The following KCNQ1 variants were observed in gnomAD, a reference collection of about 807,000 sequenced individuals.
The protein encoded by KCNQ1 is potassium voltage-gated channel subfamily Q member 1.
A neutral mutation model predicts 72.4 loss-of-function variants in KCNQ1; 49 were observed. The observed-to-expected ratio is 0.68, with a 90% CI of 0.54 to 0.86. The LOEUF (loss-of-function observed/expected upper bound fraction) is 0.86, where lower values mean the gene tolerates loss of function less well. KCNQ1 is among the 40% of genes least tolerant of loss of function. The probability of loss-of-function intolerance (pLI) is 0.00; values close to 1 mark genes in which losing one functional copy is unlikely to be tolerated. For missense variants in KCNQ1, 790 were observed against 945.1 expected (o/e 0.84, Z 2.15); for synonymous variants, 450 against 412.6 (o/e 1.09, Z -1.10).
chr11:2,767,495 ATC>A lies in KCNQ1; in HGVS notation c.1515-1343_1515-1342del, dbSNP rs1311744369. On this transcript the variant is annotated intron_variant, in intron 11 of 15. Coordinates refer to ENST00000155840, the MANE Select transcript of KCNQ1 (RefSeq NM_000218.3). This position sits in a 1 kb window ranked among gnomAD's most constrained non-coding sequence, Gnocchi z 4.6. The stretch of plus-strand genomic sequence containing the variant: ...AGTACCACACCTTTAGATCTGTATG[ATC>A]TCTCTTTTCCCTTGCCTTTTAGTCT... 6.6e-6 allele frequency among the ~76,000 whole-genome samples: 1 copy of A among 152,178 alleles called. No individual in the cohort carries two copies. The highest frequency in any genetic ancestry group is 1.5e-5 in the Non-Finnish European group (1 of 68,028).
chr11:2,679,495 GAC>G lies in KCNQ1; in HGVS notation c.1514+17418_1514+17419del, dbSNP rs1374344043. The G allele has an allele frequency of 7.5e-6, 3 of 398,438 alleles. No homozygotes were observed. Among genetic ancestry groups the G allele is most frequent in the Non-Finnish European group, 1.3e-5 (3 of 226,074 alleles). The allele number at this position is 398,438 out of a possible 1,614,324, so 24.7% of individuals were successfully genotyped here. A position where few individuals can be genotyped will look rare whatever the true frequency, so the allele number is the denominator to read the frequency against. On this transcript the variant is annotated intron_variant, in intron 11 of 15. Transcript: ENST00000155840. This position sits in a 1 kb window ranked among gnomAD's most constrained non-coding sequence, Gnocchi z 4.8. Reference sequence around the variant, plus strand: ...AGAAAAGTGCCTGTCCTATAGTAGTGACACAGTGTTACTTAAATGTATTGCTA... The same window carrying G: ...AGAAAAGTGCCTGTCCTATAGTAGTGACAGTGTTACTTAAATGTATTGCTA...
At chr11:2,558,424 G>A in intron 2 of KCNQ1, among the ~76,000 whole-genome samples, 1 of 149,570 alleles carries the variant, frequency 6.7e-6, no homozygotes, top group Admixed American at 6.5e-5. Flanking sequence ...GGGTCTCCAG[G>A]CGGGGGGGTC....
At chr11:2,733,199 C>T (rs1845882170) in intron 11 of KCNQ1, among the ~76,000 whole-genome samples, 1 of 147,794 alleles carries the variant, frequency 6.8e-6, no homozygotes, top group African/African-American at 2.5e-5. Context: ...CTGAGATCCA[C>T]TCCCACCCCC....
intron 1 of KCNQ1, among the ~76,000 whole-genome samples, chr11:2,514,460 G>A (rs1265013050): frequency 6.6e-6 from 1 of 152,226 alleles, no homozygotes; most frequent in Non-Finnish European, 1.5e-5. Flanking sequence ...TCCATTTCCA[G>A]GGACACCCAG....
intron 15 of KCNQ1, among the ~76,000 whole-genome samples, chr11:2,807,360 T>G (rs1847397171): frequency 6.6e-6 from 1 of 152,112 alleles, no homozygotes. Context: ...GCCCCCGCTT[T>G]GATGTCCGGG....
chr11:2,561,027 C>A (rs1272393011), intron 2 of KCNQ1, among the ~76,000 whole-genome samples: 1 of 151,498 alleles, frequency 6.6e-6, no homozygotes, highest in Non-Finnish European at 1.5e-5. Flanking sequence ...ACGGTGAAAC[C>A]CCGTCTCTAC....
At position 2,690,403 on chromosome 11, in the gene KCNQ1, T is replaced by C; in HGVS notation, c.1514+28322T>C. 1 of 398,558 alleles carries C rather than the reference T, an allele frequency of 2.5e-6. No homozygotes were observed. The allele number at this position is 398,558 out of a possible 1,614,324, so 24.7% of individuals were successfully genotyped here. On this transcript the variant is annotated intron_variant, in intron 11 of 15. Transcript: ENST00000155840. The surrounding 1 kb of genome is among the most constrained non-coding windows in gnomAD (Gnocchi z 5.1). ...TGTGCCAGACCAAAAGAGCTATCTCTCTCCCTGCGAAAGGCTGGGGTCCTG... is the reference window on the plus strand; with the variant it reads ...TGTGCCAGACCAAAAGAGCTATCTCCCTCCCTGCGAAAGGCTGGGGTCCTG...
At chr11:2,589,373 C>T (rs567792759) in intron 10 of KCNQ1, among the ~76,000 whole-genome samples, 54 of 152,324 alleles carry the variant, frequency 3.5e-4, no homozygotes, top group African/African-American at 1.2e-3. Context: ...CTCGGATCTG[C>T]GTCCCTCCTC....
intron 11 of KCNQ1, among the ~76,000 whole-genome samples, chr11:2,733,364 AC>A (rs1301976086): frequency 2.6e-5 from 4 of 151,578 alleles, no homozygotes; most frequent in Non-Finnish European, 5.9e-5. Flanking sequence ...TGCGACCCCG[AC>A]CCTCACTTTC....
At position 2,695,456 on chromosome 11, in the gene KCNQ1, CTG is replaced by C. The variant is rs1850657881; in HGVS notation, c.1514+33379_1514+33380del. The C allele has an allele frequency of 2.5e-6, 1 of 398,664 alleles. No individual in the cohort carries two copies. The highest frequency in any genetic ancestry group is 4.4e-6 in the Non-Finnish European group (1 of 226,112). The allele number at this position is 398,664 out of a possible 1,614,324, so 24.7% of individuals were successfully genotyped here. A position where few individuals can be genotyped will look rare whatever the true frequency, so the allele number is the denominator to read the frequency against. The stretch of plus-strand genomic sequence containing the variant: ...TGTTTGGCATTTGTGTCACTCAGCA[CTG>C]TGTTTCCACGCGTCTCTATCTTGTG... On this transcript the variant is annotated intron_variant, in intron 11 of 15. Transcript: ENST00000155840. The surrounding 1 kb of genome is among the most constrained non-coding windows in gnomAD (Gnocchi z 5.2).
In KCNQ1 at chr11:2,723,993, G is replaced by C. The variant is rs1478659140; in HGVS notation, c.1515-44851G>C. Among the ~76,000 whole-genome samples, 1 of 152,164 alleles carries C rather than the reference G, an allele frequency of 6.6e-6. No homozygotes were observed. The highest frequency in any genetic ancestry group is 1.5e-5 in the Non-Finnish European group (1 of 68,028). ...CTTTTCACCGGGGGAGCAGAAATCA[G>C]AACATGGCTCTCTGTGTCTGACACA... is the stretch of plus-strand genomic sequence containing the variant. On this transcript the variant is annotated intron_variant, in intron 11 of 15. Coordinates refer to ENST00000155840, the MANE Select transcript of KCNQ1 (RefSeq NM_000218.3). The surrounding 1 kb of genome is among the most constrained non-coding windows in gnomAD (Gnocchi z 4.2).
intron 10 of KCNQ1, chr11:2,655,222 C>G (rs953602568): frequency 7.5e-6 from 3 of 398,638 alleles, no homozygotes; most frequent in Non-Finnish European, 1.3e-5. Flanking sequence ...GTAGTCGCCA[C>G]GCCCGAGGCT....
chr11:2,527,168 C>T (rs1031714604), intron 1 of KCNQ1, among the ~76,000 whole-genome samples: 1 of 152,196 alleles, frequency 6.6e-6, no homozygotes, highest in African/African-American at 2.4e-5. Flanking sequence ...GGGCTCTGTG[C>T]GCCTTCCCTT....
intron 2 of KCNQ1, among the ~76,000 whole-genome samples, chr11:2,557,238 C>G (rs1037602997): frequency 3.9e-5 from 6 of 152,180 alleles, no homozygotes; most frequent in African/African-American, 7.2e-5. Flanking sequence ...AGATCAGGCA[C>G]TATTAGAAGA....
intron 14 of KCNQ1, 54 bp downstream of exon 14, chr11:2,777,086 G>T (rs550149076): frequency 6.5e-7 from 1 of 1,548,128 alleles, no homozygotes; most frequent in Admixed American, 1.7e-5. Flanking sequence ...GGACTCTCCC[G>T]CACCTCTGCC....
At chr11:2,589,172 G>A (rs1325575441) in intron 10 of KCNQ1, among the ~76,000 whole-genome samples, 11 of 152,280 alleles carry the variant, frequency 7.2e-5, no homozygotes, top group African/African-American at 2.4e-4. Context: ...CCTCCCAGCC[G>A]AGCCCACGGG....
At chr11:2,666,452 C>T (rs1364382867) in intron 11 of KCNQ1, 7 of 398,590 alleles carry the variant, frequency 1.8e-5, no homozygotes, top group African/African-American at 1.4e-4. Context: ...CAACTTTCTC[C>T]TGGACCCTGC....
chr11:2,739,599 G>A (rs1180303133), intron 11 of KCNQ1, among the ~76,000 whole-genome samples: 1 of 152,216 alleles, frequency 6.6e-6, no homozygotes, highest in Non-Finnish European at 1.5e-5. Flanking sequence ...GTGGTGTCCT[G>A]GTTTTTTAAC....
intron 11 of KCNQ1, chr11:2,699,601 G>C (rs1850745214): frequency 2.8e-6 from 1 of 352,092 alleles, no homozygotes; most frequent in Non-Finnish European, 5.1e-6. Flanking sequence ...GAACCGCGGC[G>C]AGAGGCCCCC....
Sources: allele counts gnomAD v4.1 joint callset (sites outside exome capture counted in the v4.1 genomes callset), GRCh38; gene constraint gnomAD v4.1.1; non-coding constraint Gnocchi (gnomAD v3.1); transcripts MANE v1.5; gene names NCBI Gene and HGNC (gene_info 2026-07-23, HGNC 2026-07-21).